DMXL2: variants seen among roughly 807,000 people sequenced by gnomAD.
DMXL2 encodes dmX-like protein 2.
DMXL2 carries 103 observed loss-of-function variants against 331.1 expected under a neutral mutation model. That is an observed-to-expected ratio of 0.31 (90% CI 0.27 to 0.37). The LOEUF (loss-of-function observed/expected upper bound fraction) is 0.37. Ranked by LOEUF, DMXL2 falls within the 10% of genes least tolerant of loss-of-function variation. The pLI is 1.00. For synonymous variants in DMXL2, 1,281 were observed against 1,252.1 expected, an observed-to-expected ratio of 1.02 and a Z score of -0.49; for missense variants, 3,171 against 3,642.9, an observed-to-expected ratio of 0.87 and a Z score of 3.33.
rs755443332 is a variant in DMXL2 at position 51,457,464 on chromosome 15, G to A, written c.8201C>T (p.Ser2734Leu). The change falls in exon 37 of 44, where the codon TCA (serine) becomes TTA (leucine). Residue 2734 changes from serine to leucine, a missense_variant and splice_region_variant. Around this residue, in one of 7 missense-constraint regions of DMXL2, gnomAD observed 766 missense variants for 940.5 expected, o/e 0.81. Coordinates refer to ENST00000560891, the MANE Select transcript of DMXL2 (RefSeq NM_001378457.1). ...GEEYDRESKS[S>L]DDVDYRGSTT... ...GGAACCACGATAATCAACATCATCT[G>A]AACTGTGAAAAACATTCATGTGTTA... 1 of 1,613,726 alleles carries A rather than the reference G, an allele frequency of 6.2e-7. No homozygotes were observed. Among genetic ancestry groups the A allele is most frequent in the Non-Finnish European group, 8.5e-7 (1 of 1,179,848 alleles).
Position 51,536,283 on chromosome 15 carries a change from T to C in DMXL2, c.2197A>G (p.Ile733Val), listed in dbSNP as rs1178272470. The C allele has an allele frequency of 7.4e-6, 12 of 1,613,924 alleles. No homozygotes were observed. The highest frequency in any genetic ancestry group is 1.6e-4 in the Middle Eastern group (1 of 6,080). ...CCTCCAGTGTATGACAAAGGTCCTA[T>C]TGGGTCTACACGCCACAGAATAAGT... is the stretch of plus-strand genomic sequence containing the variant. ...SELILWRVDP[I>V]GPLSYTGGVS... The change falls in exon 12 of 44, where the codon ATA becomes GTA. Residue 733 changes from isoleucine to valine, a missense_variant. By Grantham distance (29) the Ile-to-Val change is conservative (BLOSUM62 3). Coordinates refer to ENST00000560891, the MANE Select transcript of DMXL2 (RefSeq NM_001378457.1).
intron 37 of DMXL2, 70 bp from the exon 38 acceptor site, chr15:51,456,439 T>A: frequency 1.0e-6 from 1 of 954,376 alleles, no homozygotes; most frequent in East Asian, 2.6e-5. Context: ...TGCTTCAGGA[T>A]AAATTCTGAC....
intron 41 of DMXL2, chr15:51,453,218 C>A (rs2039312900): frequency 5.0e-6 from 1 of 201,300 alleles, no homozygotes; most frequent in African/African-American, 2.4e-5. Flanking sequence ...ACTACCTATT[C>A]CCCCAAACCT....
intron 13 of DMXL2, among the ~76,000 whole-genome samples, chr15:51,528,348 G>A (rs1057013982): frequency 6.6e-6 from 1 of 151,894 alleles, no homozygotes; most frequent in African/African-American, 2.4e-5. Flanking sequence ...CACACATAAA[G>A]ACACACACAG....
In DMXL2 at chr15:51,501,480, T is replaced by G. The variant is rs76024432; in HGVS notation, c.2993-1249A>C. Among the ~76,000 whole-genome samples, 1,455 of 152,318 alleles carry G rather than the reference T, an allele frequency of 9.6e-3. 18 individuals carry two copies. The highest frequency in any genetic ancestry group is 0.033 in the African/African-American group (1,385 of 41,562). Reference sequence around the variant, plus strand: ...CTGCCAACTGTTGTTCAAACATTCTTAATAAAGGTGAGACGTGATTACCAC... The same window carrying G: ...CTGCCAACTGTTGTTCAAACATTCTGAATAAAGGTGAGACGTGATTACCAC... On this transcript the variant is annotated intron_variant, in intron 17 of 43. Coordinates refer to ENST00000560891, the MANE Select transcript of DMXL2 (RefSeq NM_001378457.1).
At chr15:51,578,433 T>C (rs887330254) in intron 1 of DMXL2, among the ~76,000 whole-genome samples, 16 of 152,174 alleles carry the variant, frequency 1.1e-4, no homozygotes, top group African/African-American at 3.4e-4. Flanking sequence ...TAGATAACCA[T>C]AATTGCCTGA....
chr15:51,497,456 T>C (rs2043263892), intron 18 of DMXL2, among the ~76,000 whole-genome samples: 1 of 152,226 alleles, frequency 6.6e-6, no homozygotes, highest in African/African-American at 2.4e-5. Flanking sequence ...AGTGTCTTCA[T>C]CTATAAAGTT....
At position 51,565,136 on chromosome 15, in the gene DMXL2, G is replaced by C; in HGVS notation, c.316C>G (p.Gln106Glu). 6.3e-7 allele frequency: 1 copy of C among 1,584,306 alleles called. No individual in the cohort carries two copies. Among genetic ancestry groups the C allele is most frequent in the African/African-American group, 1.4e-5 (1 of 73,650 alleles). The change falls in exon 4 of 44, where the codon CAG becomes GAG. Residue 106 changes from glutamine (Q) to glutamate (E), a missense_variant. Coordinates refer to ENST00000560891, the MANE Select transcript of DMXL2 (RefSeq NM_001378457.1). ...TATGTCACAGAACTCAAAAAAAACTGCCCAGTTTTAAGCCACTGGCACTTG... is the reference window on the plus strand; with the variant it reads ...TATGTCACAGAACTCAAAAAAAACTCCCCAGTTTTAAGCCACTGGCACTTG... ...QLKCQWLKTGQFFLSSVTYNL... is the reference protein window; with the variant it reads ...QLKCQWLKTGEFFLSSVTYNL...
intron 41 of DMXL2, among the ~76,000 whole-genome samples, chr15:51,452,426 T>A (rs144204164): frequency 1.3e-3 from 201 of 151,786 alleles, no homozygotes; most frequent in Admixed American, 2.4e-3. Context: ...AACAATCCCA[T>A]CAAAAGCGAG....
In DMXL2 at chr15:51,481,066, C is replaced by G. The variant is rs199547673; in HGVS notation, c.6040G>C (p.Ala2014Pro). The G allele has an allele frequency of 1.1e-5, 18 of 1,613,814 alleles. No individual in the cohort carries two copies. Among genetic ancestry groups the G allele is most frequent in the Non-Finnish European group, 1.5e-5 (18 of 1,179,902 alleles). ...GTTAATAACATGTTAGGGTCTGAGG[C>G]CTTCTGATCTGATTGTTTATCTTTT... ...REKDKQSDQK[A>P]SDPNMLLTPQ... The change falls in exon 24 of 44, where the codon GCC becomes CCC. Residue 2014 changes from alanine (A) to proline (P), a missense_variant. Transcript: ENST00000560891.
chr15:51,612,554 A>G (rs552963462), intron 1 of DMXL2, among the ~76,000 whole-genome samples: 1 of 152,264 alleles, frequency 6.6e-6, no homozygotes, highest in South Asian at 2.1e-4. Context: ...AAGCCGCAAA[A>G]CCAGCAAGTT....
chr15:51,550,704 G>A (rs970494305), intron 6 of DMXL2, among the ~76,000 whole-genome samples: 1 of 152,008 alleles, frequency 6.6e-6, no homozygotes, highest in South Asian at 2.1e-4. Flanking sequence ...CAAACTTTAT[G>A]AACATAAACG....
At chr15:51,512,146 A>C (rs1206679804) in intron 15 of DMXL2, among the ~76,000 whole-genome samples, 8 of 152,190 alleles carry the variant, frequency 5.3e-5, no homozygotes, top group Non-Finnish European at 1.2e-4. Context: ...CGTATGTAAC[A>C]AACCTGCATG....
At chr15:51,573,830 C>T (rs961389621) in intron 2 of DMXL2, among the ~76,000 whole-genome samples, 2 of 151,764 alleles carry the variant, frequency 1.3e-5, no homozygotes, top group Non-Finnish European at 2.9e-5. Flanking sequence ...TGCCCCAGAA[C>T]TTAAAGTATA....
chr15:51,564,242 G>A lies in DMXL2; in HGVS notation c.383C>T (p.Ala128Val). Reference sequence around the variant, plus strand: ...AGCCCACAACTGAATAGAATCAGTTGCTGTCAACAATCTATTATCTGAAAA... The same window carrying A: ...AGCCCACAACTGAATAGAATCAGTTACTGTCAACAATCTATTATCTGAAAA... ...WDPQDNRLLT[A>V]TDSIQLWAPP... Residue 128 changes from alanine (A) to valine (V), a missense_variant, in exon 5 of 44, where the codon GCA (alanine) becomes GTA (valine). Physicochemically the swap from Ala to Val is moderately conservative, Grantham distance 64. Coordinates refer to ENST00000560891, the MANE Select transcript of DMXL2 (RefSeq NM_001378457.1). The A allele has an allele frequency of 6.3e-7, 1 of 1,587,892 alleles. No homozygotes were observed. Among genetic ancestry groups the A allele is most frequent in the Non-Finnish European group, 8.5e-7 (1 of 1,171,796 alleles).
chr15:51,520,152 GTGCATTGTTAGT>G (rs2047274702), intron 13 of DMXL2, among the ~76,000 whole-genome samples: 1 of 152,116 alleles, frequency 6.6e-6, no homozygotes, highest in Non-Finnish European at 1.5e-5. Flanking sequence ...TTCTACCTCT[GTGCATTGTTAGT>G]TGCTGTTATC....
At chr15:51,509,176 T>C (rs191225543) in intron 15 of DMXL2, among the ~76,000 whole-genome samples, 5 of 151,600 alleles carry the variant, frequency 3.3e-5, no homozygotes, top group Admixed American at 3.3e-4. Flanking sequence ...CACAAGTAAG[T>C]AGTCAGAGAA....
At chr15:51,519,141 A>T (rs544048270) in intron 13 of DMXL2, among the ~76,000 whole-genome samples, 1 of 149,826 alleles carries the variant, frequency 6.7e-6, no homozygotes, top group African/African-American at 2.5e-5. Context: ...TTTGATGTAT[A>T]TTTTTTTTTA....
At position 51,547,217 on chromosome 15, in the gene DMXL2, T is replaced by A. The variant is rs372372615; in HGVS notation, c.746+13A>T. On this transcript the variant is annotated intron_variant, in intron 7 of 43. Coordinates refer to ENST00000560891, the MANE Select transcript of DMXL2 (RefSeq NM_001378457.1). ...AGGATGCAAACTAAAGCTACATGAT[T>A]CATTCATCTAACCTGGGCATATACT... 4.4e-6 allele frequency: 7 copies of A among 1,573,820 alleles called. No homozygotes were observed. In the African/African-American group the frequency reaches 9.7e-5, roughly 22 times the overall value.
Sources: allele counts gnomAD v4.1 joint callset (sites outside exome capture counted in the v4.1 genomes callset), GRCh38; gene constraint gnomAD v4.1.1; regional missense constraint gnomAD v4.1.1; transcripts MANE v1.5; gene names NCBI Gene and HGNC (gene_info 2026-07-23, HGNC 2026-07-21).